SYT15B: variants seen among roughly 807,000 people sequenced by gnomAD.
SYT15B encodes synaptotagmin 15B, also known as synaptotagmin-15.
At chr10:47,748,069 G>T in the SYT15B span, among the ~76,000 whole-genome samples, 2 of 152,150 alleles carry the variant, frequency 1.3e-5, no homozygotes. Context: ...TATGTAACTG[G>T]AGTCTTAGAA....
the SYT15B span, among the ~76,000 whole-genome samples, chr10:47,761,127 C>CACAG: frequency 1.3e-5 from 2 of 149,308 alleles, no homozygotes; most frequent in South Asian, 4.2e-4. Context: ...CACACACACA[C>CACAG]AGCAGTGGGA....
chr10:47,757,034 G>A, the SYT15B span, among the ~76,000 whole-genome samples: 829 of 94,518 alleles, frequency 8.8e-3, no homozygotes, highest in Non-Finnish European at 0.011. Context: ...ACAGGAAGAG[G>A]CTTCCTGCAC....
At chr10:47,756,592 G>A in the SYT15B span, among the ~76,000 whole-genome samples, 8 of 150,534 alleles carry the variant, frequency 5.3e-5, no homozygotes, top group African/African-American at 1.9e-4. Context: ...GCTAAGATTT[G>A]GTGGGTGAGG....
chr10:47,761,101 C>T, the SYT15B span, among the ~76,000 whole-genome samples: 31 of 78,892 alleles, frequency 3.9e-4, no homozygotes, highest in Admixed American at 1.2e-3. Context: ...CACACACACA[C>T]GCACACACAC....
chr10:47,761,102 G>GCACACACACA, the SYT15B span, among the ~76,000 whole-genome samples: 8 of 145,440 alleles, frequency 5.5e-5, no homozygotes, highest in Admixed American at 1.4e-4. Context: ...ACACACACAC[G>GCACACACACA]CACACACACA....
the SYT15B span, among the ~76,000 whole-genome samples, chr10:47,747,942 T>A: frequency 6.6e-6 from 1 of 151,776 alleles, no homozygotes; most frequent in Non-Finnish European, 1.5e-5. Flanking sequence ...GAACATTCTT[T>A]GAACTGTAAT....
chr10:47,749,990 CA>C, the SYT15B span, among the ~76,000 whole-genome samples: 1 of 151,948 alleles, frequency 6.6e-6, no homozygotes, highest in Non-Finnish European at 1.5e-5. Context: ...TTCACTCTAC[CA>C]GAAAACATCA....
the SYT15B span, among the ~76,000 whole-genome samples, chr10:47,760,262 G>A: frequency 1.0e-4 from 6 of 59,564 alleles, no homozygotes; most frequent in African/African-American, 2.5e-4. Context: ...CTTCCATGGC[G>A]TCTAGGGAAT....
chr10:47,747,972 C>T, the SYT15B span, among the ~76,000 whole-genome samples: 1 of 151,892 alleles, frequency 6.6e-6, no homozygotes. Context: ...AATAAAAACT[C>T]TAAGCTGAAG....
chr10:47,760,986 G>A, the SYT15B span: 1 of 1,507,998 alleles, frequency 6.6e-7, no homozygotes, highest in African/African-American at 1.4e-5. Flanking sequence ...TGGTCTCAGA[G>A]CGCTCAGCCA....
At chr10:47,748,261 TA>T in the SYT15B span, among the ~76,000 whole-genome samples, 1 of 142,718 alleles carries the variant, frequency 7.0e-6, no homozygotes, top group Non-Finnish European at 1.5e-5. Flanking sequence ...CAGGCTGGAG[TA>T]CGGTGGCGCG....
chr10:47,748,604 TTTC>T, the SYT15B span, among the ~76,000 whole-genome samples: 1 of 152,204 alleles, frequency 6.6e-6, no homozygotes, highest in Non-Finnish European at 1.5e-5. Context: ...CATTTCTTCT[TTTC>T]TTTTTTCTTT....
the SYT15B span, among the ~76,000 whole-genome samples, chr10:47,750,000 C>G: frequency 5.3e-5 from 8 of 152,124 alleles, no homozygotes; most frequent in Admixed American, 3.3e-4. Flanking sequence ...CAGAAAACAT[C>G]AATTTTAAAT....
At chr10:47,748,231 C>T in the SYT15B span, among the ~76,000 whole-genome samples, 12 of 146,598 alleles carry the variant, frequency 8.2e-5, no homozygotes, top group South Asian at 4.6e-4. Context: ...TTTTTTGAGA[C>T]GGAGTTTTTC....
At chr10:47,763,487 G>T in the SYT15B span, 62 of 590,760 alleles carry the variant, frequency 1.0e-4, 2 homozygotes, top group African/African-American at 1.1e-3. Context: ...TAGAGCGGAG[G>T]AGCGGCGCGG....
the SYT15B span, among the ~76,000 whole-genome samples, chr10:47,755,107 C>T: frequency 6.6e-6 from 1 of 150,662 alleles, no homozygotes; most frequent in Admixed American, 6.6e-5. Context: ...CAGGCGTGCA[C>T]CACCACGCCT....
the SYT15B span, among the ~76,000 whole-genome samples, chr10:47,747,810 G>A: frequency 4.9e-4 from 74 of 151,984 alleles, no homozygotes; most frequent in Middle Eastern, 6.8e-3. Flanking sequence ...GTGGAATAGA[G>A]ACTTTCATCA....
At chr10:47,747,471 T>TG in the SYT15B span, among the ~76,000 whole-genome samples, 1 of 136,410 alleles carries the variant, frequency 7.3e-6, no homozygotes, top group East Asian at 2.2e-4. Flanking sequence ...TTGGAATCCT[T>TG]GGAGGACCAC....
At chr10:47,744,818 G>A in the SYT15B span, among the ~76,000 whole-genome samples, 1 of 151,930 alleles carries the variant, frequency 6.6e-6, no homozygotes, top group South Asian at 2.1e-4. Flanking sequence ...TCTAGGGCAT[G>A]TTCTGTGACT....
Sources: gnomAD v4.1 joint callset for allele counts (sites outside exome capture counted in the v4.1 genomes callset) on GRCh38, gnomAD v4.1.1 for gene constraint, MANE v1.5 for transcripts, NCBI Gene and HGNC (gene_info 2026-07-23, HGNC 2026-07-21) for gene names.